Variants in MYRIP observed in about 807,000 individuals in gnomAD.
MYRIP encodes the protein myosin VIIA and Rab interacting protein, also known as rab effector MyRIP.
A neutral mutation model predicts 98.0 loss-of-function variants in MYRIP; 49 were observed. The ratio of observed to expected loss-of-function variants is 0.50; its 90% CI spans 0.40 to 0.63. The LOEUF is 0.63. MYRIP is among the 30% of genes least tolerant of loss of function. The pLI is 0.00. For synonymous variants in MYRIP, 404 were observed against 409.5 expected (o/e 0.99, Z 0.16); for missense variants, 1,004 against 1,058.2 (o/e 0.95, Z 0.71).
intron 8 of MYRIP, 79 bp downstream of exon 8, chr3:40,170,172 A>G: frequency 6.5e-7 from 1 of 1,538,048 alleles, no homozygotes; most frequent in Non-Finnish European, 8.8e-7. Flanking sequence ...TAGTTGAATC[A>G]GGTGGCCACT....
At chr3:40,021,461 G>C (rs1176295183) in intron 2 of MYRIP, among the ~76,000 whole-genome samples, 1 of 152,198 alleles carries the variant, frequency 6.6e-6, no homozygotes, top group East Asian at 1.9e-4. Context: ...GTCAGAAAAT[G>C]TGTGATGATC....
At chr3:39,989,923 G>A (rs1046437973) in intron 2 of MYRIP, among the ~76,000 whole-genome samples, 2 of 152,330 alleles carry the variant, frequency 1.3e-5, no homozygotes, top group African/African-American at 4.8e-5. Context: ...CCTGCCCTTA[G>A]AGCTTAGTTT....
intron 16 of MYRIP, among the ~76,000 whole-genome samples, chr3:40,255,864 T>C (rs1392166090): frequency 6.6e-6 from 1 of 152,236 alleles, no homozygotes; most frequent in Non-Finnish European, 1.5e-5. Flanking sequence ...TCACTGTCTT[T>C]CCAGGCATCA....
intron 1 of MYRIP, among the ~76,000 whole-genome samples, chr3:39,884,835 T>G (rs1369969169): frequency 1.4e-5 from 2 of 147,776 alleles, no homozygotes; most frequent in Non-Finnish European, 3.0e-5. Flanking sequence ...TGAATGTAAG[T>G]GCATTGTCTT....
chr3:40,242,115 C>G (rs1953035545), intron 12 of MYRIP: 1 of 152,250 alleles, frequency 6.6e-6, no homozygotes. Flanking sequence ...TGTGAGACCT[C>G]AGAAAGTCAC....
At chr3:39,887,597 A>C (rs560997547) in intron 1 of MYRIP, among the ~76,000 whole-genome samples, 2 of 152,158 alleles carry the variant, frequency 1.3e-5, no homozygotes, top group Admixed American at 1.3e-4. Context: ...AACTGGAAGC[A>C]TTCCCTTTGA....
chr3:39,829,043 G>T (rs1941354637), intron 1 of MYRIP, among the ~76,000 whole-genome samples: 1 of 152,144 alleles, frequency 6.6e-6, no homozygotes, highest in Non-Finnish European at 1.5e-5. Context: ...GTTCTTTAAG[G>T]AATCTCCACA....
intron 1 of MYRIP, among the ~76,000 whole-genome samples, chr3:39,820,110 G>A (rs1186096573): frequency 6.6e-6 from 1 of 152,158 alleles, no homozygotes. Context: ...TGCAAAACGT[G>A]TGTGCCCCAG....
At chr3:40,036,651 A>G (rs1947392713) in intron 2 of MYRIP, among the ~76,000 whole-genome samples, 1 of 152,096 alleles carries the variant, frequency 6.6e-6, no homozygotes. Context: ...ATTGCCTTAG[A>G]ACACCCCATT....
intron 2 of MYRIP, among the ~76,000 whole-genome samples, chr3:40,037,698 T>G (rs773286617): frequency 9.2e-5 from 14 of 152,096 alleles, no homozygotes; most frequent in Non-Finnish European, 1.8e-4. Flanking sequence ...CTGAGATGGA[T>G]GCAGAGCTGA....
intron 3 of MYRIP, among the ~76,000 whole-genome samples, chr3:40,134,777 T>C (rs1949725810): frequency 6.6e-6 from 1 of 152,238 alleles, no homozygotes. Context: ...AAACAGGATC[T>C]GGAGTGGACC....
intron 2 of MYRIP, among the ~76,000 whole-genome samples, chr3:39,935,232 G>A (rs1345681746): frequency 6.6e-6 from 1 of 152,212 alleles, no homozygotes; most frequent in African/African-American, 2.4e-5. Context: ...AGTGAAGGCT[G>A]TGGGACTGGA....
intron 3 of MYRIP, among the ~76,000 whole-genome samples, chr3:40,127,112 T>TTTTACTTCTTTAGAAGAAACACC (rs1331566500): frequency 1.3e-5 from 2 of 152,256 alleles, no homozygotes; most frequent in East Asian, 3.8e-4. Flanking sequence ...AACCCTTTTG[T>TTTTACTTCTTTAGAAGAAACACC]TTTACTTCTT....
rs78471957 is a variant in MYRIP at position 40,232,589 on chromosome 3, G to A, written c.1906-1270G>A. Among the ~76,000 whole-genome samples, 740 of 152,310 alleles carry A rather than the reference G, an allele frequency of 4.9e-3. 4 individuals carry two copies. Among genetic ancestry groups the A allele is most frequent in the African/African-American group, 0.016 (658 of 41,566 alleles). On this transcript the variant is annotated intron_variant, in intron 11 of 16. Transcript: ENST00000302541. ...GTCACACGAAATATGCCTGTGAGCA[G>A]TATTCAACTTCTAATTTACAAATGA... is the stretch of plus-strand genomic sequence containing the variant.
chr3:40,085,059 G>A (rs929553771), intron 3 of MYRIP, among the ~76,000 whole-genome samples: 2 of 150,306 alleles, frequency 1.3e-5, no homozygotes, highest in Non-Finnish European at 3.0e-5. Context: ...ATATATCTAT[G>A]TGTTATATAT....
intron 2 of MYRIP, among the ~76,000 whole-genome samples, chr3:40,010,450 C>G (rs1036158765): frequency 6.6e-6 from 1 of 152,190 alleles, no homozygotes; most frequent in Non-Finnish European, 1.5e-5. Context: ...GTAACCATTT[C>G]TAAACCCTAC....
chr3:40,086,945 G>A (rs181000689), intron 3 of MYRIP, among the ~76,000 whole-genome samples: 28 of 152,142 alleles, frequency 1.8e-4, no homozygotes, highest in African/African-American at 6.5e-4. Context: ...TAGGAACAAG[G>A]GAAGCCAGCG....
intron 2 of MYRIP, among the ~76,000 whole-genome samples, chr3:40,033,352 G>T (rs1022999804): frequency 6.6e-6 from 1 of 151,850 alleles, no homozygotes; most frequent in Non-Finnish European, 1.5e-5. Flanking sequence ...TCCTTAAGCT[G>T]ATAAGCAACT....
chr3:40,125,904 T>C (rs1233130246), intron 3 of MYRIP, among the ~76,000 whole-genome samples: 2 of 152,188 alleles, frequency 1.3e-5, no homozygotes, highest in African/African-American at 4.8e-5. Context: ...TGTCTGCAAA[T>C]TCCCAGTGAC....
Sources: gnomAD v4.1 joint callset for allele counts (sites outside exome capture counted in the v4.1 genomes callset) on GRCh38, gnomAD v4.1.1 for gene constraint, MANE v1.5 for transcripts, NCBI Gene and HGNC (gene_info 2026-07-23, HGNC 2026-07-21) for gene names.